KLHDC1: variants seen among roughly 807,000 people sequenced by gnomAD.
KLHDC1 encodes the protein kelch domain-containing protein 1.
KLHDC1 carries 53 observed loss-of-function variants against 68.3 expected under a neutral mutation model. The ratio of observed to expected loss-of-function variants is 0.78; its 90% CI spans 0.62 to 0.98. The LOEUF is 0.98. Ranked by LOEUF, KLHDC1 falls within the 50% of genes least tolerant of loss-of-function variation. The probability of loss-of-function intolerance (pLI) is 0.00; values close to 1 mark genes in which losing one functional copy is unlikely to be tolerated. For synonymous variants in KLHDC1, 148 were observed against 159.0 expected (o/e 0.93, Z 0.52); for missense variants, 470 against 492.3 (o/e 0.95, Z 0.43).
chr14:49,734,702 T>C, intron 10 of KLHDC1, 41 bp downstream of exon 10: 1 of 1,141,666 alleles, frequency 8.8e-7, no homozygotes, highest in Middle Eastern at 2.2e-4. Context: ...AGTTAAGAAT[T>C]TTTAAAGTAT....
chr14:49,710,694 C>T (rs1289724142), intron 4 of KLHDC1, among the ~76,000 whole-genome samples: 1 of 152,112 alleles, frequency 6.6e-6, no homozygotes, highest in Non-Finnish European at 1.5e-5. Flanking sequence ...AGATGGTAGC[C>T]TCTTCATCCC....
chr14:49,704,387 G>GTTTTTTTTTTTTTTTTTT (rs35067251), intron 1 of KLHDC1, among the ~76,000 whole-genome samples: 5 of 68,690 alleles, frequency 7.3e-5, no homozygotes, highest in East Asian at 4.6e-4. Context: ...TTCCTTTTCT[G>GTTTTTTTTTTTTTTTTTT]TTTTTTTTTT....
chr14:49,722,289 C>T (rs887674468), intron 4 of KLHDC1, among the ~76,000 whole-genome samples: 6 of 152,290 alleles, frequency 3.9e-5, no homozygotes, highest in African/African-American at 9.6e-5. Context: ...TGACAGGCCC[C>T]GGTGTGTGAT....
intron 12 of KLHDC1, among the ~76,000 whole-genome samples, chr14:49,744,121 C>A (rs1889134102): frequency 6.7e-6 from 1 of 148,326 alleles, no homozygotes; most frequent in African/African-American, 2.5e-5. Context: ...CACGACTCTA[C>A]AAAAAAAAAA....
intron 1 of KLHDC1, among the ~76,000 whole-genome samples, chr14:49,695,588 T>C (rs1232582046): frequency 6.6e-6 from 1 of 151,836 alleles, no homozygotes; most frequent in Non-Finnish European, 1.5e-5. Flanking sequence ...AGCATAATTC[T>C]TAAGGGCCCT....
At position 49,732,761 on chromosome 14, in the gene KLHDC1, A is replaced by C. The variant is rs913372962; in HGVS notation, c.768A>C (p.Ile256=). The change falls in exon 9 of 13, where the codon ATA becomes ATC. Residue 256 remains isoleucine (I), a synonymous_variant. Transcript: ENST00000359332. ...KHRSWHTLTP[I]ADDKLFLCGG... ...GGTCATGGCATACTTTAACACCTAT[A>C]GCTGATGATAAACTTTTCCTATGTG... 1.2e-6 allele frequency: 2 copies of C among 1,610,544 alleles called. No homozygotes were observed. Among genetic ancestry groups the C allele is most frequent in the Non-Finnish European group, 1.7e-6 (2 of 1,177,026 alleles).
At chr14:49,714,929 T>TGGAAATTACATATATAC (rs990639351) in intron 4 of KLHDC1, among the ~76,000 whole-genome samples, 4 of 147,558 alleles carry the variant, frequency 2.7e-5, no homozygotes, top group Non-Finnish European at 6.0e-5. Flanking sequence ...TCCATATATA[T>TGGAAATTACATATATAC]GGAAATTACA....
intron 8 of KLHDC1, 49 bp from the exon 9 acceptor site, chr14:49,732,655 T>G: frequency 1.1e-6 from 1 of 950,670 alleles, no homozygotes; most frequent in Non-Finnish European, 1.6e-6. Context: ...TAAAAACCTT[T>G]TATTTTGATT....
Position 49,751,720 on chromosome 14 carries a change from G to A in KLHDC1, c.1169G>A (p.Arg390Lys). The A allele has an allele frequency of 6.2e-7, 1 of 1,602,460 alleles. No individual in the cohort carries two copies. The highest frequency in any genetic ancestry group is 1.7e-5 in the Admixed American group (1 of 58,538). ...GCAGCTAATCACCGAGAAGAACAAA[G>A]AGTCCAAAAAGAAGAAACAGAAAAT... Reference protein sequence around the residue: ...WAAANHREEQRVQKEETENKY... With the variant: ...WAAANHREEQKVQKEETENKY... The change falls in exon 13 of 13, where the codon AGA becomes AAA. Residue 390 changes from arginine to lysine, a missense_variant. Transcript: ENST00000359332.
chr14:49,697,896 G>A (rs1272234172), intron 1 of KLHDC1, among the ~76,000 whole-genome samples: 11 of 152,088 alleles, frequency 7.2e-5, no homozygotes, highest in Non-Finnish European at 2.9e-5. Context: ...AACTTTAATG[G>A]ACATTTCACC....
chr14:49,693,427 C>A, intron 1 of KLHDC1, 137 bp downstream of exon 1: 1 of 427,600 alleles, frequency 2.3e-6, no homozygotes, highest in Non-Finnish European at 3.9e-6. Flanking sequence ...CCCAGCCCCT[C>A]CGCTGGCCGC....
At chr14:49,716,574 G>C (rs2139745629) in intron 4 of KLHDC1, among the ~76,000 whole-genome samples, 1 of 152,072 alleles carries the variant, frequency 6.6e-6, no homozygotes, top group South Asian at 2.1e-4. Flanking sequence ...AGTAGAGGCG[G>C]GGTTTCACCA....
At chr14:49,723,770 G>A in intron 4 of KLHDC1, 104 bp from the exon 5 acceptor site, 1 of 626,680 alleles carries the variant, frequency 1.6e-6, no homozygotes, top group South Asian at 2.2e-5. Flanking sequence ...TTTAAACTGT[G>A]ATTTTGTGTT....
chr14:49,740,412 A>G (rs997182007), intron 11 of KLHDC1, among the ~76,000 whole-genome samples: 2 of 152,064 alleles, frequency 1.3e-5, no homozygotes, highest in African/African-American at 4.8e-5. Flanking sequence ...ATCTCGGCTC[A>G]CTGCAAGCTC....
At chr14:49,713,970 C>T (rs1262209967) in intron 4 of KLHDC1, among the ~76,000 whole-genome samples, 1 of 146,670 alleles carries the variant, frequency 6.8e-6, no homozygotes, top group Admixed American at 6.9e-5. Flanking sequence ...CTCATGCCTC[C>T]CAAGTAGCTG....
In KLHDC1 at chr14:49,710,249, C is replaced by T; in HGVS notation, c.286-14C>T. ...AAATGCCCTGTCTGCTAATAGTGTTCTCATCTTTTAAAGCTTTATTTTGTT... is the reference window on the plus strand; with the variant it reads ...AAATGCCCTGTCTGCTAATAGTGTTTTCATCTTTTAAAGCTTTATTTTGTT... On this transcript the variant is annotated splice_polypyrimidine_tract_variant and intron_variant, in intron 3 of 12. Coordinates refer to ENST00000359332, the MANE Select transcript of KLHDC1 (RefSeq NM_172193.3). 1 of 1,355,414 alleles carries T rather than the reference C, an allele frequency of 7.4e-7. No individual in the cohort carries two copies. The allele number at this position is 1,355,414 out of a possible 1,614,324, so 84.0% of individuals were successfully genotyped here.
At chr14:49,702,100 G>A (rs1485804875) in intron 1 of KLHDC1, among the ~76,000 whole-genome samples, 4 of 149,948 alleles carry the variant, frequency 2.7e-5, no homozygotes, top group Admixed American at 1.3e-4. Context: ...CCTGGGAGGC[G>A]GAGGTTGCAG....
At position 49,717,091 on chromosome 14, in the gene KLHDC1, G is replaced by A. The variant is rs117452600; in HGVS notation, c.404+6710G>A. 5.8e-3 allele frequency among the ~76,000 whole-genome samples: 887 copies of A among 152,130 alleles called. 8 individuals are homozygous for A. The highest frequency in any genetic ancestry group is 8.4e-3 in the Non-Finnish European group (572 of 67,992). ...TAATATTCCACTGTATGTATATACC[G>A]CATGTTGGTTAGCCATTTATATGTT... On this transcript the variant is annotated intron_variant, in intron 4 of 12. Transcript: ENST00000359332.
intron 12 of KLHDC1, among the ~76,000 whole-genome samples, chr14:49,749,533 C>T (rs1027018515): frequency 6.6e-6 from 1 of 151,764 alleles, no homozygotes; most frequent in Non-Finnish European, 1.5e-5. Context: ...AAAAAATTAG[C>T]TGGGCATGGT....
Sources: allele counts gnomAD v4.1 joint callset (sites outside exome capture counted in the v4.1 genomes callset), GRCh38; gene constraint gnomAD v4.1.1; transcripts MANE v1.5; gene names NCBI Gene and HGNC (gene_info 2026-07-23, HGNC 2026-07-21).